The following MOB1B variants were observed in gnomAD, a reference collection of about 807,000 sequenced individuals.
MOB1B encodes MOB1 Mps One Binder homolog B.
Under a neutral mutation model 24.4 loss-of-function variants are expected in MOB1B, and 19 were observed. That is an observed-to-expected ratio of 0.78 (90% CI 0.54 to 1.14). The LOEUF (loss-of-function observed/expected upper bound fraction) is 1.14, where lower values mean the gene tolerates loss of function less well. MOB1B is among the 50% of genes most tolerant of loss of function. MOB1B has a pLI of 0.00. For missense variants in MOB1B, 243 were observed against 259.6 expected, an observed-to-expected ratio of 0.94 and a Z score of 0.44; for synonymous variants, 76 against 82.1, an observed-to-expected ratio of 0.93 and a Z score of 0.40.
At chr4:70,965,796 C>CAAAAAAAAA (rs71211986) in intron 2 of MOB1B, among the ~76,000 whole-genome samples, 2 of 28,698 alleles carry the variant, frequency 7.0e-5, no homozygotes, top group African/African-American at 1.7e-4. Context: ...GACTCCGTCT[C>CAAAAAAAAA]AAAAAAAAAA....
intron 3 of MOB1B, among the ~76,000 whole-genome samples, chr4:70,974,113 C>T (rs1738879257): frequency 6.6e-6 from 1 of 151,980 alleles, no homozygotes; most frequent in South Asian, 2.1e-4. Context: ...CACCTGTATG[C>T]ATCTTCCTTA....
chr4:70,962,515 A>G (rs965549241), intron 2 of MOB1B, among the ~76,000 whole-genome samples: 4 of 152,184 alleles, frequency 2.6e-5, no homozygotes, highest in Non-Finnish European at 4.4e-5. Flanking sequence ...ATCTAGACAC[A>G]GATTTACACC....
chr4:70,932,122 A>G lies in MOB1B; in HGVS notation c.15-26752A>G, dbSNP rs72852996. The stretch of plus-strand genomic sequence containing the variant: ...TCTGTGGAGCAGGCCTCTAGTAGCT[A>G]CCAAGGATAAAGAGATGGTACAGAT... On this transcript the variant is annotated intron_variant, in intron 1 of 5. Coordinates refer to ENST00000309395, the MANE Select transcript of MOB1B (RefSeq NM_173468.4). 7.4e-3 allele frequency among the ~76,000 whole-genome samples: 1,131 copies of G among 152,300 alleles called. 18 individuals are homozygous for G. Among genetic ancestry groups the G allele is most frequent in the African/African-American group, 0.024 (992 of 41,538 alleles).
chr4:70,922,507 T>A (rs972841043), intron 1 of MOB1B, among the ~76,000 whole-genome samples: 4 of 152,156 alleles, frequency 2.6e-5, no homozygotes, highest in Non-Finnish European at 4.4e-5. Context: ...ACGGTTACAT[T>A]CTTTTGAGTT....
chr4:70,976,608 T>C (rs1018501366), intron 4 of MOB1B: 1 of 984,790 alleles, frequency 1.0e-6, no homozygotes, highest in Non-Finnish European at 1.2e-6. Context: ...GTTAGAACTT[T>C]TTGACATTTT....
chr4:70,919,197 T>C (rs1350116636), intron 1 of MOB1B, among the ~76,000 whole-genome samples: 1 of 151,898 alleles, frequency 6.6e-6, no homozygotes, highest in Non-Finnish European at 1.5e-5. Context: ...TTAGGAGATA[T>C]ACCTAATGCT....
intron 4 of MOB1B, chr4:70,975,542 G>T: frequency 9.0e-7 from 1 of 1,114,802 alleles, no homozygotes; most frequent in South Asian, 4.0e-5. Context: ...TGAAAGTATA[G>T]GTTTATTAGA....
rs564310583 is a variant in MOB1B at position 70,986,577 on chromosome 4, T to G, written c.*4520T>G. Reference sequence around the variant, plus strand: ...TCTACCAATTCTTAAAAACACAGATTTATACTTTAAGCTTATTTTAAAATT... The same window carrying G: ...TCTACCAATTCTTAAAAACACAGATGTATACTTTAAGCTTATTTTAAAATT... On this transcript the variant is annotated 3_prime_UTR_variant, in exon 6 of 6. Coordinates refer to ENST00000309395, the MANE Select transcript of MOB1B (RefSeq NM_173468.4). 283 of 152,264 alleles carry G rather than the reference T, an allele frequency of 1.9e-3. 1 individual carries two copies. The highest frequency in any genetic ancestry group is 6.4e-3 in the African/African-American group (267 of 41,572). The allele number at this position is 152,264 out of a possible 1,614,324, so 9.4% of individuals were successfully genotyped here. A position where few individuals can be genotyped will look rare whatever the true frequency, so the allele number is the denominator to read the frequency against.
chr4:70,907,994 T>G (rs1048092983), intron 1 of MOB1B, among the ~76,000 whole-genome samples: 1 of 151,888 alleles, frequency 6.6e-6, no homozygotes, highest in Non-Finnish European at 1.5e-5. Context: ...TTTGGGAATG[T>G]GAATGACTAA....
rs116313998 is a variant in MOB1B at position 70,906,457 on chromosome 4, A to G, written c.14+3907A>G. Among the ~76,000 whole-genome samples, 555 of 152,272 alleles carry G rather than the reference A, an allele frequency of 3.6e-3. 4 individuals are homozygous for G. The highest frequency in any genetic ancestry group is 6.6e-3 in the Non-Finnish European group (448 of 68,022). On this transcript the variant is annotated intron_variant, in intron 1 of 5. Transcript: ENST00000309395. The stretch of plus-strand genomic sequence containing the variant: ...TGACAAGAGAGAAAAAAATCCCTGC[A>G]TTGGTGGGGCTTATGTTCTGGTAAG...
chr4:70,977,316 T>G (rs1739046371), intron 4 of MOB1B, among the ~76,000 whole-genome samples: 1 of 152,172 alleles, frequency 6.6e-6, no homozygotes, highest in Non-Finnish European at 1.5e-5. Context: ...GCATATTATT[T>G]TATAGATTGT....
In MOB1B at chr4:70,929,206, A is replaced by G. The variant is rs533052407; in HGVS notation, c.14+26656A>G. 1.6e-4 allele frequency among the ~76,000 whole-genome samples: 22 copies of G among 141,124 alleles called. No homozygotes were observed. The Middle Eastern group carries it at 0.011, about 69-fold the overall frequency. The allele number at this position is 141,124 out of a possible 152,430, so 92.6% of individuals were successfully genotyped here. On this transcript the variant is annotated intron_variant, in intron 1 of 5. Coordinates refer to ENST00000309395, the MANE Select transcript of MOB1B (RefSeq NM_173468.4). ...TCTTTTTTTTTTTTTTTTTTGAGAC[A>G]ATCTTGCTGTCACCCAGGCTGGAGT...
At chr4:70,951,457 C>T (rs1411302780) in intron 1 of MOB1B, among the ~76,000 whole-genome samples, 1 of 152,218 alleles carries the variant, frequency 6.6e-6, no homozygotes, top group Non-Finnish European at 1.5e-5. Context: ...CTGTCCTGCT[C>T]TAAAAATTGA....
rs530933863 is a variant in MOB1B, at chr4:70,912,177, G to A, written c.14+9627G>A. Among the ~76,000 whole-genome samples the A allele has an allele frequency of 4.3e-3, 652 of 152,232 alleles. 6 individuals are homozygous for A. Among genetic ancestry groups the A allele is most frequent in the African/African-American group, 9.6e-3 (398 of 41,534 alleles). On this transcript the variant is annotated intron_variant, in intron 1 of 5. Coordinates refer to ENST00000309395, the MANE Select transcript of MOB1B (RefSeq NM_173468.4). Reference sequence around the variant, plus strand: ...CTCCCAAAGTGCTGGGATTACAGGCGTGAGCCACCGTGCCCAGCCTTAGGT... The same window carrying A: ...CTCCCAAAGTGCTGGGATTACAGGCATGAGCCACCGTGCCCAGCCTTAGGT...
At chr4:70,926,262 C>T (rs1213622895) in intron 1 of MOB1B, among the ~76,000 whole-genome samples, 2 of 150,072 alleles carry the variant, frequency 1.3e-5, no homozygotes, top group South Asian at 2.1e-4. Context: ...GGGATTACAG[C>T]CATTTTTTTT....
intron 1 of MOB1B, among the ~76,000 whole-genome samples, chr4:70,914,682 A>G (rs1248522606): frequency 6.6e-6 from 1 of 152,190 alleles, no homozygotes; most frequent in African/African-American, 2.4e-5. Context: ...GGTTCATTCT[A>G]GCCTTCTCCT....
At chr4:70,904,250 C>G (rs892045661) in intron 1 of MOB1B, among the ~76,000 whole-genome samples, 9 of 151,646 alleles carry the variant, frequency 5.9e-5, no homozygotes, top group African/African-American at 2.2e-4. Context: ...TCCCAAAGTG[C>G]TGGGATTACA....
At chr4:70,945,953 TC>T (rs1417518977) in intron 1 of MOB1B, among the ~76,000 whole-genome samples, 1 of 151,876 alleles carries the variant, frequency 6.6e-6, no homozygotes, top group African/African-American at 2.4e-5. Context: ...TTTTTTTTTT[TC>T]CTATCGGGCT....
intron 2 of MOB1B, among the ~76,000 whole-genome samples, chr4:70,965,972 C>T (rs28879454): frequency 0.19 from 29,399 of 151,668 alleles, 6,251 homozygotes; most frequent in African/African-American, 0.53. Context: ...TTAAAAAAAA[C>T]TGTAATCTAT....
Sources: allele counts gnomAD v4.1 joint callset (sites outside exome capture counted in the v4.1 genomes callset), GRCh38; gene constraint gnomAD v4.1.1; transcripts MANE v1.5; gene names NCBI Gene and HGNC (gene_info 2026-07-23, HGNC 2026-07-21).